The following GUCD1 variants were observed in gnomAD, a reference collection of about 807,000 sequenced individuals.
GUCD1 encodes the protein protein GUCD1.
GUCD1 carries 17 observed loss-of-function variants against 28.3 expected under a neutral mutation model. The ratio of observed to expected loss-of-function variants is 0.60; its 90% CI spans 0.41 to 0.90. The LOEUF (loss-of-function observed/expected upper bound fraction) is 0.90, where lower values mean the gene tolerates loss of function less well. Ranked by LOEUF, GUCD1 falls within the 40% of genes least tolerant of loss-of-function variation. The probability of loss-of-function intolerance (pLI) is 0.00; values close to 1 mark genes in which losing one functional copy is unlikely to be tolerated. For missense variants in GUCD1, 279 were observed against 305.5 expected, an observed-to-expected ratio of 0.91 and a Z score of 0.65; for synonymous variants, 129 against 123.3, an observed-to-expected ratio of 1.05 and a Z score of -0.30.
chr22:24,543,068 CAA>C lies in GUCD1; in HGVS notation c.656_657del (p.Phe219Ter). 6.2e-7 allele frequency: 1 copy of C among 1,614,010 alleles called. No homozygotes were observed. Among genetic ancestry groups the C allele is most frequent in the Non-Finnish European group, 8.5e-7 (1 of 1,179,888 alleles). ...DRMCSTSISN[F>X]EEARTSYGTD... ...GTGCCATAGCTGGTTCTGGCCTCCT[CAA>C]AGTTACTGATGCTGGTGCTGCACAT... On this transcript the variant is annotated frameshift_variant, in exon 6 of 6. Coordinates refer to ENST00000435822, the MANE Select transcript of GUCD1 (RefSeq NM_001284254.2). LOFTEE classifies it high-confidence loss of function.
In GUCD1 at chr22:24,555,032, C is replaced by G. The variant is rs749221484; in HGVS notation, c.-41G>C. ...GGGCGCCCATGGCCCCGGCCCAGAGCGGGCTACAGCTTCCGCTTCGGCTGG... is the reference window on the plus strand; with the variant it reads ...GGGCGCCCATGGCCCCGGCCCAGAGGGGGCTACAGCTTCCGCTTCGGCTGG... On this transcript the variant is annotated 5_prime_UTR_variant, in exon 1 of 6. Coordinates refer to ENST00000435822, the MANE Select transcript of GUCD1 (RefSeq NM_001284254.2). 9 of 1,407,272 alleles carry G rather than the reference C, an allele frequency of 6.4e-6. No homozygotes were observed. The highest frequency in any genetic ancestry group is 8.3e-6 in the Non-Finnish European group (9 of 1,078,888). 87.2% of individuals were successfully genotyped at this position (1,407,272 alleles called of 1,614,324 possible).
chr22:24,548,557 C>T (rs2044788644), intron 2 of GUCD1, among the ~76,000 whole-genome samples: 1 of 152,224 alleles, frequency 6.6e-6, no homozygotes, highest in African/African-American at 2.4e-5. Context: ...GTCCAGGTTT[C>T]TGTGATATTC....
In GUCD1 at chr22:24,547,015, G is replaced by GAA; in HGVS notation, c.295-12_295-11dup. On this transcript the variant is annotated splice_polypyrimidine_tract_variant and intron_variant, in intron 3 of 5. Transcript: ENST00000435822. ...GCTTCCTGTAGAAGGACTGAACAGA[G>GAA]AAGAGGGGGATGGAGTGGCCACCAC... 1 of 1,609,290 alleles carries GAA rather than the reference G, an allele frequency of 6.2e-7. No individual in the cohort carries two copies. Among genetic ancestry groups the GAA allele is most frequent in the Non-Finnish European group, 8.5e-7 (1 of 1,175,626 alleles).
rs1460827825 is a variant in GUCD1, at chr22:24,552,544, G to A, written c.43+2405C>T. On this transcript the variant is annotated intron_variant, in intron 1 of 5. Transcript: ENST00000435822. The stretch of plus-strand genomic sequence containing the variant: ...CCAAGCACTTTGGGAGGCCAAGGCA[G>A]GCGGATCACTTGAGGTCAGAAGTTT... 2.0e-5 allele frequency among the ~76,000 whole-genome samples: 3 copies of A among 152,272 alleles called. No homozygotes were observed. The East Asian group carries it at 5.8e-4, about 29-fold the overall frequency.
At chr22:24,544,714 T>C (rs2044681095) in intron 4 of GUCD1, among the ~76,000 whole-genome samples, 1 of 151,796 alleles carries the variant, frequency 6.6e-6, no homozygotes, top group Non-Finnish European at 1.5e-5. Flanking sequence ...CAAATCCAAA[T>C]GAAAACCTAG....
In GUCD1 at chr22:24,542,843, C is replaced by G. The variant is rs962894616; in HGVS notation, c.*163G>C. On this transcript the variant is annotated 3_prime_UTR_variant, in exon 6 of 6. Coordinates refer to ENST00000435822, the MANE Select transcript of GUCD1 (RefSeq NM_001284254.2). ...CAACACACGGCACTGGCAGACAAAG[C>G]AGCTGTGCCAGTCTCCGAGTTCCTG... 1 of 610,520 alleles carries G rather than the reference C, an allele frequency of 1.6e-6. No individual in the cohort carries two copies. Among genetic ancestry groups the G allele is most frequent in the African/African-American group, 1.8e-5 (1 of 54,248 alleles). The allele number at this position is 610,520 out of a possible 1,614,324, so 37.8% of individuals were successfully genotyped here. A position where few individuals can be genotyped will look rare whatever the true frequency, so the allele number is the denominator to read the frequency against.
chr22:24,554,548 C>G (rs1474361150), intron 1 of GUCD1, among the ~76,000 whole-genome samples: 1 of 152,202 alleles, frequency 6.6e-6, no homozygotes, highest in East Asian at 1.9e-4. Context: ...CAGGCTACCG[C>G]GTGGCAGAGA....
chr22:24,547,966 C>G lies in GUCD1; in HGVS notation c.236G>C (p.Gly79Ala), dbSNP rs748793867. The G allele has an allele frequency of 3.1e-6, 5 of 1,614,084 alleles. No individual in the cohort carries two copies. The African/African-American group carries it at 6.7e-5, about 22-fold the overall frequency. The change falls in exon 3 of 6, where the codon GGC becomes GCC. Residue 79 changes from glycine (G) to alanine (A), a missense_variant. Transcript: ENST00000435822. ...IDLAYLMHHF[G>A]VRHRFCTQTL... is the part of the protein sequence containing the mutation. ...CTGGGTACAGAAGCGGTGCCTCACG[C>G]CAAAGTGGTGCATCAGGTAGGCCAG...
chr22:24,543,250 C>A, intron 5 of GUCD1, 153 bp from the exon 6 acceptor site: 1 of 633,526 alleles, frequency 1.6e-6, no homozygotes, highest in South Asian at 1.7e-5. Flanking sequence ...GGAAGCCCTC[C>A]TTGCCCATCC....
At chr22:24,555,445 C>A (rs1221768823), upstream of GUCD1, 1 of 1,147,830 alleles carries the variant, frequency 8.7e-7, no homozygotes, top group Non-Finnish European at 1.2e-6. Flanking sequence ...CCGGGTCCCG[C>A]TCTTTTGCCA....
At chr22:24,555,435 C>T (rs1405756357), upstream of GUCD1, 2 of 1,159,032 alleles carry the variant, frequency 1.7e-6, no homozygotes, top group South Asian at 1.6e-5. Context: ...CCCGCCTCTG[C>T]CGGGTCCCGC....
Position 24,546,927 on chromosome 22 carries a change from G to GCA in GUCD1, c.371_372dup (p.Leu125CysfsTer8). 1 of 1,613,902 alleles carries GCA rather than the reference G, an allele frequency of 6.2e-7. No homozygotes were observed. The highest frequency in any genetic ancestry group is 8.5e-7 in the Non-Finnish European group (1 of 1,179,888). Reference sequence around the variant, plus strand: ...TGGGGGGCTCACCATTTCTCCACCAGCACCTTGCAGGCCTTTGCTTGTGCA... The same window carrying GCA: ...TGGGGGGCTCACCATTTCTCCACCAGCACACCTTGCAGGCCTTTGCTTGTGCA... On this transcript the variant is annotated frameshift_variant, in exon 4 of 6. Transcript: ENST00000435822. LOFTEE classifies it high-confidence loss of function.
chr22:24,555,020 C>G lies in GUCD1; in HGVS notation c.-29G>C, dbSNP rs757037411. On this transcript the variant is annotated 5_prime_UTR_variant, in exon 1 of 6. Transcript: ENST00000435822. ...CCGGGCGGCGCGGGGCGCCCATGGCCCCGGCCCAGAGCGGGCTACAGCTTC... is the reference window on the plus strand; with the variant it reads ...CCGGGCGGCGCGGGGCGCCCATGGCGCCGGCCCAGAGCGGGCTACAGCTTC... The G allele has an allele frequency of 3.8e-5, 56 of 1,474,676 alleles. No individual in the cohort carries two copies. Among genetic ancestry groups the G allele is most frequent in the Non-Finnish European group, 4.7e-5 (53 of 1,116,950 alleles). The allele number at this position is 1,474,676 out of a possible 1,614,324, so 91.3% of individuals were successfully genotyped here.
chr22:24,549,606 G>T (rs2044821536), intron 1 of GUCD1, among the ~76,000 whole-genome samples: 2 of 152,002 alleles, frequency 1.3e-5, no homozygotes, highest in Admixed American at 1.3e-4. Context: ...GCGATTCCCG[G>T]GTGGCAAGTA....
At chr22:24,555,616 T>A (rs2045040859), upstream of GUCD1, 3 of 1,550,530 alleles carry the variant, frequency 1.9e-6, no homozygotes, top group South Asian at 3.6e-5. Context: ...CCCCCTTACC[T>A]GGCGGTGCCG....
rs2044624382 is a variant in GUCD1 at position 24,542,755 on chromosome 22, C to T, written c.*251G>A. 3 of 459,050 alleles carry T rather than the reference C, an allele frequency of 6.5e-6. No homozygotes were observed. Among genetic ancestry groups the T allele is most frequent in the Admixed American group, 6.9e-5 (2 of 29,136 alleles). 28.4% of individuals were successfully genotyped at this position (459,050 alleles called of 1,614,324 possible). A position where few individuals can be genotyped will look rare whatever the true frequency, so the allele number is the denominator to read the frequency against. On this transcript the variant is annotated 3_prime_UTR_variant, in exon 6 of 6. Coordinates refer to ENST00000435822, the MANE Select transcript of GUCD1 (RefSeq NM_001284254.2). ...GACTTCCTGTGGGCGCAGCTGGAGT[C>T]AAGGCTTGGGGTCTTGGGGTATGCT...
chr22:24,552,827 T>C (rs574634725), intron 1 of GUCD1, among the ~76,000 whole-genome samples: 39 of 150,508 alleles, frequency 2.6e-4, no homozygotes, highest in South Asian at 2.1e-4. Flanking sequence ...TGAAACAGGG[T>C]CTCACTCTGT....
At chr22:24,547,747 C>T in intron 3 of GUCD1, 161 bp downstream of exon 3, 1 of 710,726 alleles carries the variant, frequency 1.4e-6, no homozygotes, top group Non-Finnish European at 2.3e-6. Flanking sequence ...GCTCCCAAAT[C>T]CTGCCTATAG....
upstream of GUCD1, chr22:24,555,271 C>A: frequency 7.4e-7 from 1 of 1,355,724 alleles, no homozygotes; most frequent in South Asian, 2.0e-5. Flanking sequence ...CGGCCATTCG[C>A]CGCCTCAGCG....
Sources: allele counts gnomAD v4.1 joint callset (sites outside exome capture counted in the v4.1 genomes callset), GRCh38; gene constraint gnomAD v4.1.1; transcripts MANE v1.5; gene names NCBI Gene and HGNC (gene_info 2026-07-23, HGNC 2026-07-21).